Variants in DLG2 observed in about 807,000 individuals in gnomAD.
The protein encoded by DLG2 is discs large MAGUK scaffold protein 2.
Under a neutral mutation model 132.5 loss-of-function variants are expected in DLG2, and 45 were observed. That is an observed-to-expected ratio of 0.34 (90% CI 0.27 to 0.44). The LOEUF is 0.44. Among genes scored for constraint, DLG2 ranks in the 20% least tolerant of loss-of-function variants. DLG2 has a pLI of 1.00. For synonymous variants in DLG2, 424 were observed against 419.6 expected, an observed-to-expected ratio of 1.01 and a Z score of -0.13; for missense variants, 1,045 against 1,196.9, an observed-to-expected ratio of 0.87 and a Z score of 1.87.
At chr11:84,180,603 T>A (rs1222464797) in intron 8 of DLG2, among the ~76,000 whole-genome samples, 1 of 151,974 alleles carries the variant, frequency 6.6e-6, no homozygotes, top group Non-Finnish European at 1.5e-5. Flanking sequence ...CTACTCCCAA[T>A]AACTGGCATC....
chr11:84,410,515 A>G (rs1018323371), intron 7 of DLG2, among the ~76,000 whole-genome samples: 2 of 151,990 alleles, frequency 1.3e-5, no homozygotes, highest in Non-Finnish European at 2.9e-5. Context: ...AAAAGTGTAT[A>G]GAAAACACCT....
intron 19 of DLG2, among the ~76,000 whole-genome samples, chr11:83,544,873 T>C (rs1209720643): frequency 6.6e-6 from 1 of 152,190 alleles, no homozygotes; most frequent in Non-Finnish European, 1.5e-5. Context: ...CATTTTATTA[T>C]GTGGCTCAAT....
chr11:84,121,607 G>T (rs1429147556), intron 9 of DLG2, among the ~76,000 whole-genome samples: 1 of 128,940 alleles, frequency 7.8e-6, no homozygotes. Context: ...TGTGGCCCAG[G>T]CTGGAGTGCA....
At position 83,608,301 on chromosome 11, in the gene DLG2, G is replaced by T. The variant is rs78603755; in HGVS notation, c.1940+24910C>A. 6.8e-3 allele frequency among the ~76,000 whole-genome samples: 1,033 copies of T among 152,032 alleles called. 13 individuals carry two copies. The highest frequency in any genetic ancestry group is 0.024 in the African/African-American group (995 of 41,472). ...ACAATGAAGCTTGATTTATAGTATA[G>T]GTTGAGTATTCCTCATCTGAAATGC... On this transcript the variant is annotated intron_variant, in intron 19 of 27. Coordinates refer to ENST00000376104, the MANE Select transcript of DLG2 (RefSeq NM_001142699.3).
At chr11:85,006,793 C>T (rs1257169311) in intron 6 of DLG2, among the ~76,000 whole-genome samples, 1 of 151,960 alleles carries the variant, frequency 6.6e-6, no homozygotes, top group Non-Finnish European at 1.5e-5. Flanking sequence ...TTTACCCTTG[C>T]TTCTGTAGTT....
intron 6 of DLG2, among the ~76,000 whole-genome samples, chr11:85,087,837 TC>T (rs2068161109): frequency 1.6e-5 from 1 of 62,596 alleles, no homozygotes; most frequent in African/African-American, 5.4e-5. Flanking sequence ...AGAGCGAGAC[TC>T]CGTCTCAAAA....
At chr11:84,515,519 A>T (rs891943778) in intron 7 of DLG2, among the ~76,000 whole-genome samples, 1 of 151,942 alleles carries the variant, frequency 6.6e-6, no homozygotes, top group East Asian at 1.9e-4. Context: ...TAAGGGGTTC[A>T]ATTCAGCAAG....
intron 11 of DLG2, among the ~76,000 whole-genome samples, chr11:84,014,908 T>C (rs756439150): frequency 5.9e-5 from 9 of 151,998 alleles, no homozygotes; most frequent in African/African-American, 2.4e-5. Context: ...ATCTCCACCC[T>C]CGAGAATGTT....
At chr11:85,495,435 A>G (rs2093648333) in intron 3 of DLG2, among the ~76,000 whole-genome samples, 1 of 152,230 alleles carries the variant, frequency 6.6e-6, no homozygotes, top group Non-Finnish European at 1.5e-5. Context: ...ACAAATTTAA[A>G]AGAAAAAACA....
intron 4 of DLG2, among the ~76,000 whole-genome samples, chr11:85,195,772 C>T (rs1333459377): frequency 3.3e-5 from 5 of 152,012 alleles, no homozygotes; most frequent in African/African-American, 1.2e-4. Flanking sequence ...GTGATCCGCC[C>T]GCCTCGGCCT....
chr11:84,217,923 T>G (rs527314019), intron 8 of DLG2, among the ~76,000 whole-genome samples: 1 of 152,246 alleles, frequency 6.6e-6, no homozygotes, highest in South Asian at 2.1e-4. Flanking sequence ...ATCCCAGCAC[T>G]TTAGGAGGCC....
chr11:85,214,231 T>A (rs1054170299), intron 4 of DLG2, among the ~76,000 whole-genome samples: 3 of 152,144 alleles, frequency 2.0e-5, no homozygotes, highest in African/African-American at 7.2e-5. Context: ...ATAGCTCAAC[T>A]CCTTTTTAGC....
intron 17 of DLG2, among the ~76,000 whole-genome samples, chr11:83,804,691 C>T (rs1157858974): frequency 6.6e-6 from 1 of 151,750 alleles, no homozygotes; most frequent in African/African-American, 2.4e-5. Flanking sequence ...AGGCATCTTC[C>T]CAGTGTAAAG....
At chr11:84,947,014 C>T (rs2154100339) in intron 6 of DLG2, among the ~76,000 whole-genome samples, 1 of 152,262 alleles carries the variant, frequency 6.6e-6, no homozygotes, top group Non-Finnish European at 1.5e-5. Context: ...TTTCCAATGC[C>T]AAGTCCAGCC....
At chr11:83,736,493 G>A (rs1237617560) in intron 18 of DLG2, among the ~76,000 whole-genome samples, 1 of 152,010 alleles carries the variant, frequency 6.6e-6, no homozygotes, top group African/African-American at 2.4e-5. Flanking sequence ...TTCTTGGCAA[G>A]ATTGGCTATT....
intron 3 of DLG2, among the ~76,000 whole-genome samples, chr11:85,522,936 C>G (rs150771638): frequency 1.3e-5 from 2 of 152,144 alleles, no homozygotes; most frequent in African/African-American, 2.4e-5. Context: ...TGAGTTAAGA[C>G]ATTGGGTGAC....
intron 8 of DLG2, among the ~76,000 whole-genome samples, chr11:84,197,110 A>G (rs1566899829): frequency 6.6e-6 from 1 of 151,738 alleles, no homozygotes; most frequent in Admixed American, 6.6e-5. Context: ...GATCATTCCA[A>G]TATCTTTTTT....
intron 16 of DLG2, among the ~76,000 whole-genome samples, chr11:83,865,440 T>C (rs1157175404): frequency 6.8e-6 from 1 of 147,856 alleles, no homozygotes; most frequent in Non-Finnish European, 1.5e-5. Context: ...AAGCCTGGTA[T>C]CTTCATGGTG....
intron 5 of DLG2, among the ~76,000 whole-genome samples, chr11:85,140,364 T>C (rs926259670): frequency 6.6e-6 from 1 of 151,962 alleles, no homozygotes; most frequent in Non-Finnish European, 1.5e-5. Flanking sequence ...ACAATTTATA[T>C]GACACTCCCA....
Sources: allele counts gnomAD v4.1 joint callset (sites outside exome capture counted in the v4.1 genomes callset), GRCh38; gene constraint gnomAD v4.1.1; transcripts MANE v1.5; gene names NCBI Gene and HGNC (gene_info 2026-07-23, HGNC 2026-07-21).